The following HNRNPUL2 variants were observed in gnomAD, a reference collection of about 807,000 sequenced individuals.
HNRNPUL2 encodes the protein heterogeneous nuclear ribonucleoprotein U like 2.
Under a neutral mutation model 102.2 loss-of-function variants are expected in HNRNPUL2, and 27 were observed. That is an observed-to-expected ratio of 0.26 (90% confidence interval 0.19 to 0.36). The LOEUF is 0.36. HNRNPUL2 is among the 10% of genes least tolerant of loss of function. The probability of loss-of-function intolerance (pLI) is 1.00; values close to 1 mark genes in which losing one functional copy is unlikely to be tolerated. For missense variants in HNRNPUL2, 936 were observed against 981.1 expected (o/e 0.95, Z 0.61); for synonymous variants, 458 against 387.2 (o/e 1.18, Z -2.15).
chr11:62,724,317 T>C lies in HNRNPUL2; in HGVS notation c.648A>G (p.Glu216=). The part of the protein sequence containing the change: ...EKDEHGRAYY[E]FREEAYHSRS... ...GGCTGTGGTAAGCCTCCTCTCGGAA[T>C]TCATAGTAAGCTCGGCCATGTTCAT... The change falls in exon 2 of 14, where the codon GAA becomes GAG. Residue 216 remains glutamate, a synonymous_variant. Coordinates refer to ENST00000301785, the MANE Select transcript of HNRNPUL2 (RefSeq NM_001079559.3). 1.2e-6 allele frequency: 2 copies of C among 1,614,202 alleles called. No individual in the cohort carries two copies. The highest frequency in any genetic ancestry group is 1.7e-6 in the Non-Finnish European group (2 of 1,180,040).
chr11:62,727,175 CG>C lies in HNRNPUL2; in HGVS notation c.-20del. The C allele has an allele frequency of 7.1e-7, 1 of 1,414,080 alleles. No individual in the cohort carries two copies. The highest frequency in any genetic ancestry group is 1.4e-5 in the South Asian group (1 of 70,862). 87.6% of individuals were successfully genotyped at this position (1,414,080 alleles called of 1,614,324 possible). On this transcript the variant is annotated 5_prime_UTR_variant, in exon 1 of 14. Transcript: ENST00000301785. Reference sequence around the variant, plus strand: ...CCTCCATCGCCGCCGCCGCCTCCTCCGCCTCCCGCCGCCTCCTCCCCTGCGA... The same window carrying C: ...CCTCCATCGCCGCCGCCGCCTCCTCCCCTCCCGCCGCCTCCTCCCCTGCGA...
In HNRNPUL2 at chr11:62,724,401, T is replaced by G. The variant is rs765433132; in HGVS notation, c.564A>C (p.Ser188=). 1.9e-6 allele frequency: 3 copies of G among 1,614,238 alleles called. No individual in the cohort carries two copies. The South Asian group carries it at 3.3e-5, about 18-fold the overall frequency. ...GCTCACCATCTGAGCCTGCTGGTTTTGACTTTTCACTATCCTGGTCATCTC... is the reference window on the plus strand; with the variant it reads ...GCTCACCATCTGAGCCTGCTGGTTTGGACTTTTCACTATCCTGGTCATCTC... ...EQGDDQDSEK[S]KPAGSDGERR... is the part of the protein sequence containing the mutation. Residue 188 remains serine, a synonymous_variant, in exon 2 of 14, where the codon TCA becomes TCC. Coordinates refer to ENST00000301785, the MANE Select transcript of HNRNPUL2 (RefSeq NM_001079559.3).
At chr11:62,717,271 A>G (rs2083667773) in intron 10 of HNRNPUL2, 82 bp from the exon 11 acceptor site, 3 of 1,073,164 alleles carry the variant, frequency 2.8e-6, no homozygotes, top group Non-Finnish European at 4.1e-6. Context: ...TACAAGAAGC[A>G]TATGACTTTC....
rs761733009 is a variant in HNRNPUL2 at position 62,722,693 on chromosome 11, C to T, written c.1003G>A (p.Gly335Ser). Residue 335 changes from glycine to serine, a missense_variant, in exon 6 of 14, where the codon GGT (glycine) becomes AGT (serine). Coordinates refer to ENST00000301785, the MANE Select transcript of HNRNPUL2 (RefSeq NM_001079559.3). ...PQLGEDEFSY[G>S]FDGRGLKAEN... ...GCCTTGAGTCCTCGTCCATCGAAAC[C>T]GTAAGAGAATTCATCTTCACCTAGA... 29 of 1,613,920 alleles carry T rather than the reference C, an allele frequency of 1.8e-5. No homozygotes were observed. Among genetic ancestry groups the T allele is most frequent in the South Asian group, 2.2e-5 (2 of 91,082 alleles).
At position 62,726,996 on chromosome 11, in the gene HNRNPUL2, C is replaced by T; in HGVS notation, c.161G>A (p.Gly54Asp). The T allele has an allele frequency of 2.2e-6, 3 of 1,358,714 alleles. No individual in the cohort carries two copies. Among genetic ancestry groups the T allele is most frequent in the South Asian group, 1.7e-5 (1 of 57,232 alleles). The allele number at this position is 1,358,714 out of a possible 1,614,324, so 84.2% of individuals were successfully genotyped here. Residue 54 changes from glycine to aspartate, a missense_variant, in exon 1 of 14, where the codon GGC (glycine) becomes GAC (aspartate). Coordinates refer to ENST00000301785, the MANE Select transcript of HNRNPUL2 (RefSeq NM_001079559.3). ...DEAGGGGAGP[G>D]GACKAEPRPV... is the part of the protein sequence containing the mutation. ...CCGAGGCTCCGCCTTGCAGGCCCCG[C>T]CGGGCCCGGCCCCGCCGCCGCCGGC...
At chr11:62,717,404 A>C (rs769108263) in intron 10 of HNRNPUL2, among the ~76,000 whole-genome samples, 1 of 152,344 alleles carries the variant, frequency 6.6e-6, no homozygotes, top group South Asian at 2.1e-4. Context: ...GCAAAGGGCT[A>C]TGTAGATTTA....
At chr11:62,717,615 G>A (rs2083670288) in intron 10 of HNRNPUL2, among the ~76,000 whole-genome samples, 1 of 152,220 alleles carries the variant, frequency 6.6e-6, no homozygotes, top group Non-Finnish European at 1.5e-5. Context: ...CAGCATTTTG[G>A]GAGGCCAAGG....
At position 62,720,075 on chromosome 11, in the gene HNRNPUL2, C is replaced by T. The variant is rs2083688726; in HGVS notation, c.1728G>A (p.Arg576=). Residue 576 remains arginine (R), a synonymous_variant, in exon 10 of 14, where the codon AGG becomes AGA. Transcript: ENST00000301785. The part of the protein sequence containing the change: ...EEDWKKRLEL[R]KEVEGDDVPE... The stretch of plus-strand genomic sequence containing the variant: ...GCACATCATCTCCCTCTACTTCCTT[C>T]CTCAACTCCAGCCTCTTCTTCCAAT... 2.5e-6 allele frequency: 4 copies of T among 1,614,222 alleles called. No homozygotes were observed. The highest frequency in any genetic ancestry group is 3.4e-6 in the Non-Finnish European group (4 of 1,180,036).
rs775053207 is a variant in HNRNPUL2 at position 62,720,141 on chromosome 11, G to A, written c.1662C>T (p.Thr554=). 3 of 1,614,074 alleles carry A rather than the reference G, an allele frequency of 1.9e-6. No homozygotes were observed. The South Asian group carries it at 3.3e-5, about 18-fold the overall frequency. The change falls in exon 10 of 14, where the codon ACC becomes ACT. Residue 554 remains threonine, a synonymous_variant. Transcript: ENST00000301785. The stretch of plus-strand genomic sequence containing the variant: ...CAACCACCACCACTTTCCGAGAGAA[G>A]GTCTTGAACAGCAATAGCTTCCGCC... ...GQRRKLLLFK[T]FSRKVVVVVP... is the part of the protein sequence containing the mutation.
intron 4 of HNRNPUL2, 120 bp downstream of exon 4, chr11:62,723,464 CTGG>C: frequency 9.5e-7 from 1 of 1,053,246 alleles, no homozygotes; most frequent in Non-Finnish European, 1.4e-6. Flanking sequence ...GGACTCCAGC[CTGG>C]GTAACAAGAG....
Position 62,727,275 on chromosome 11 carries a change from C to G in HNRNPUL2, c.-119G>C. On this transcript the variant is annotated 5_prime_UTR_variant, in exon 1 of 14. Transcript: ENST00000301785. ...CCGCCTCACGCGCCAGCACTGAGCC[C>G]GCGCGAGCGAGCGCACGCACGCAGG... The G allele has an allele frequency of 8.4e-7, 1 of 1,194,784 alleles. No homozygotes were observed. Among genetic ancestry groups the G allele is most frequent in the Non-Finnish European group, 1.0e-6 (1 of 958,412 alleles). The allele number at this position is 1,194,784 out of a possible 1,614,324, so 74.0% of individuals were successfully genotyped here. A position where few individuals can be genotyped will look rare whatever the true frequency, so the allele number is the denominator to read the frequency against.
Position 62,715,007 on chromosome 11 carries a change from T to C in HNRNPUL2, c.*292A>G. On this transcript the variant is annotated 3_prime_UTR_variant, in exon 14 of 14. Coordinates refer to ENST00000301785, the MANE Select transcript of HNRNPUL2 (RefSeq NM_001079559.3). The stretch of plus-strand genomic sequence containing the variant: ...GTATAGAACAGGCAGCCCTAAGTGC[T>C]GCTTTCTGCGCAAATGTTTTTTGAT... The C allele has an allele frequency of 2.9e-6, 1 of 346,964 alleles. No individual in the cohort carries two copies. The allele number at this position is 346,964 out of a possible 1,614,324, so 21.5% of individuals were successfully genotyped here.
intron 13 of HNRNPUL2, 50 bp downstream of exon 13, chr11:62,715,450 T>G (rs2083652703): frequency 6.3e-7 from 1 of 1,579,642 alleles, no homozygotes. Context: ...ACACTCATCC[T>G]TCTGCTCCTG....
chr11:62,717,494 G>A (rs954109802), intron 10 of HNRNPUL2, among the ~76,000 whole-genome samples: 2 of 152,226 alleles, frequency 1.3e-5, no homozygotes, highest in Middle Eastern at 3.2e-3. Flanking sequence ...GGTAACCAGA[G>A]GCTAAAAGTA....
At chr11:62,722,735 T>G in intron 5 of HNRNPUL2, 22 bp from the exon 6 acceptor site, 1 of 1,608,978 alleles carries the variant, frequency 6.2e-7, no homozygotes, top group South Asian at 1.1e-5. Context: ...AACAAATTAG[T>G]TACCTACAAC....
rs1161065332 is a variant in HNRNPUL2, at chr11:62,722,604, A to G, written c.1092T>C (p.Phe364=). 1 of 1,612,666 alleles carries G rather than the reference A, an allele frequency of 6.2e-7. No individual in the cohort carries two copies. Among genetic ancestry groups the G allele is most frequent in the Non-Finnish European group, 8.5e-7 (1 of 1,178,664 alleles). The change falls in exon 6 of 14, where the codon TTT becomes TTC. Residue 364 remains phenylalanine, a synonymous_variant. Coordinates refer to ENST00000301785, the MANE Select transcript of HNRNPUL2 (RefSeq NM_001079559.3). The part of the protein sequence containing the change: ...TFGENDVIGC[F]ANFETEEVEL... The stretch of plus-strand genomic sequence containing the variant: ...CACAACTTTCAGGAGCACTTACAGC[A>G]AAGCAGCCAATAACATCATTCTCCC...
chr11:62,726,824 C>T lies in HNRNPUL2; in HGVS notation c.333G>A (p.Pro111=). ...QALGQAAQPP[P]EPPEAAAMEA... Reference sequence around the variant, plus strand: ...CCATGGCTGCCGCCTCCGGGGGCTCCGGCGGCGGCTGCGCGGCCTGACCCA... The same window carrying T: ...CCATGGCTGCCGCCTCCGGGGGCTCTGGCGGCGGCTGCGCGGCCTGACCCA... The change falls in exon 1 of 14, where the codon CCG becomes CCA. Residue 111 remains proline (P), a synonymous_variant. Transcript: ENST00000301785. 1 of 1,591,472 alleles carries T rather than the reference C, an allele frequency of 6.3e-7. No individual in the cohort carries two copies.
rs139120403 is a variant in HNRNPUL2 at position 62,721,500 on chromosome 11, G to A, written c.1483-77C>T. ...GCAAGTTAAAGCCCAAGAGTTATTGGTAAATGTCACCTCTTCAAATACTGA... is the reference window on the plus strand; with the variant it reads ...GCAAGTTAAAGCCCAAGAGTTATTGATAAATGTCACCTCTTCAAATACTGA... On this transcript the variant is annotated intron_variant, in intron 8 of 13. Transcript: ENST00000301785. 2.8e-5 allele frequency: 37 copies of A among 1,323,814 alleles called. No homozygotes were observed. The Admixed American group carries it at 7.6e-4, about 27-fold the overall frequency. The allele number at this position is 1,323,814 out of a possible 1,614,324, so 82.0% of individuals were successfully genotyped here. A position where few individuals can be genotyped will look rare whatever the true frequency, so the allele number is the denominator to read the frequency against.
chr11:62,715,915 G>A lies in HNRNPUL2; in HGVS notation c.2004C>T (p.Tyr668=), dbSNP rs367899280. The A allele has an allele frequency of 4.8e-5, 77 of 1,610,118 alleles. No individual in the cohort carries two copies. Among genetic ancestry groups the A allele is most frequent in the African/African-American group, 2.7e-4 (20 of 74,850 alleles). Residue 668 remains tyrosine, a synonymous_variant, in exon 12 of 14, where the codon TAC becomes TAT. Transcript: ENST00000301785. ...QGYVGGQRRG[Y]DNRAYGQQYW... ...ACTGCTGCCCGTAGGCCCGGTTGTC[G>A]TAGCCTCGGCGCTGCCCGCCCACTG... is the stretch of plus-strand genomic sequence containing the variant.
Sources: allele counts gnomAD v4.1 joint callset (sites outside exome capture counted in the v4.1 genomes callset), GRCh38; gene constraint gnomAD v4.1.1; transcripts MANE v1.5; gene names NCBI Gene and HGNC (gene_info 2026-07-23, HGNC 2026-07-21).